Variants in CDC42BPB observed in about 807,000 individuals in gnomAD.
CDC42BPB encodes the protein serine/threonine-protein kinase MRCK beta.
A neutral mutation model predicts 214.9 loss-of-function variants in CDC42BPB; 37 were observed. The observed-to-expected ratio is 0.17, with a 90% CI of 0.13 to 0.23. The LOEUF is 0.23. CDC42BPB is among the 10% of genes least tolerant of loss of function. The pLI, the probability that CDC42BPB is intolerant of heterozygous loss-of-function variation, is 1.00. For synonymous variants in CDC42BPB, 931 were observed against 884.0 expected, an observed-to-expected ratio of 1.05 and a Z score of -0.94; for missense variants, 1,694 against 2,227.0, an observed-to-expected ratio of 0.76 and a Z score of 4.82.
intron 5 of CDC42BPB, among the ~76,000 whole-genome samples, chr14:102,995,595 G>C (rs13379319): frequency 0.43 from 64,896 of 152,122 alleles, 14,650 homozygotes; most frequent in African/African-American, 0.56. Context: ...GTCCTGGTCT[G>C]CCACTGATTT....
intron 1 of CDC42BPB, among the ~76,000 whole-genome samples, chr14:103,029,190 C>T (rs1243024108): frequency 6.6e-6 from 1 of 152,162 alleles, no homozygotes; most frequent in Non-Finnish European, 1.5e-5. Flanking sequence ...AAGTATGTCT[C>T]TGGAAGAAAA....
Position 103,057,090 on chromosome 14 carries a change from T to C in CDC42BPB, c.84A>G (p.Glu28=). 2.6e-6 allele frequency: 4 copies of C among 1,525,612 alleles called. No individual in the cohort carries two copies. The East Asian group carries it at 7.8e-5, about 30-fold the overall frequency. The allele number at this position is 1,525,612 out of a possible 1,614,324, so 94.5% of individuals were successfully genotyped here. The change falls in exon 1 of 37, where the codon GAA becomes GAG. Residue 28 remains glutamate, a synonymous_variant. Transcript: ENST00000361246. ...GGCAGACGAGCACGTCGAGCAGCGTTTCCACGCTCAGGGCGCTCTCGTTGC... is the reference window on the plus strand; with the variant it reads ...GGCAGACGAGCACGTCGAGCAGCGTCTCCACGCTCAGGGCGCTCTCGTTGC... ...PWRNESALSV[E]TLLDVLVCLY... is the part of the protein sequence containing the mutation.
chr14:103,045,973 G>A (rs1290801154), intron 1 of CDC42BPB, among the ~76,000 whole-genome samples: 3 of 152,190 alleles, frequency 2.0e-5, no homozygotes, highest in African/African-American at 7.2e-5. Flanking sequence ...ATTTTGCAGA[G>A]TGGGAAAAAG....
intron 5 of CDC42BPB, among the ~76,000 whole-genome samples, chr14:102,997,224 G>A (rs7157813): frequency 0.4 from 60,261 of 151,884 alleles, 12,305 homozygotes; most frequent in East Asian, 0.6. Context: ...CTCGAGAGCA[G>A]CCTCAAGGTG....
intron 1 of CDC42BPB, among the ~76,000 whole-genome samples, chr14:103,026,416 A>G (rs1276441400): frequency 6.6e-6 from 1 of 152,040 alleles, no homozygotes; most frequent in Non-Finnish European, 1.5e-5. Context: ...AAAACAAAAA[A>G]CCACATGTAA....
chr14:102,933,445 G>A lies in CDC42BPB; in HGVS notation c.*267C>T, dbSNP rs1891486690. 8.7e-6 allele frequency: 3 copies of A among 344,734 alleles called. No homozygotes were observed. The highest frequency in any genetic ancestry group is 1.4e-4 in the South Asian group (1 of 7,228). 21.4% of individuals were successfully genotyped at this position (344,734 alleles called of 1,614,324 possible). A position where few individuals can be genotyped will look rare whatever the true frequency, so the allele number is the denominator to read the frequency against. ...CCCATATGCCCTCTCGGGTTGTCAG[G>A]GGTGGGAGACAGGCTGTATGGGGGT... On this transcript the variant is annotated 3_prime_UTR_variant, in exon 37 of 37. Transcript: ENST00000361246.
chr14:103,030,162 T>G (rs888563131), intron 1 of CDC42BPB, among the ~76,000 whole-genome samples: 4 of 152,234 alleles, frequency 2.6e-5, no homozygotes, highest in African/African-American at 4.8e-5. Context: ...GGCCTCACCT[T>G]GCCCGACAGG....
chr14:103,010,023 T>C (rs1886059456), intron 2 of CDC42BPB, among the ~76,000 whole-genome samples: 1 of 152,184 alleles, frequency 6.6e-6, no homozygotes, highest in Non-Finnish European at 1.5e-5. Context: ...CAGTGGTGCA[T>C]GCCTGTGGTC....
In CDC42BPB at chr14:102,940,236, G is replaced by A. The variant is rs762722008; in HGVS notation, c.4497C>T (p.Gly1499=). The part of the protein sequence containing the change: ...VRTMEWVQTI[G]LRRIRPLNSE... ...ACCGAGGCCGCCTTACCCTCCGCAGGCCGATGGTCTGCACCCACTCCATGG... is the reference window on the plus strand; with the variant it reads ...ACCGAGGCCGCCTTACCCTCCGCAGACCGATGGTCTGCACCCACTCCATGG... Residue 1499 remains glycine (G), a synonymous_variant, in exon 31 of 37, where the codon GGC becomes GGT. Transcript: ENST00000361246. The A allele has an allele frequency of 6.2e-7, 1 of 1,602,958 alleles. No individual in the cohort carries two copies. The highest frequency in any genetic ancestry group is 8.5e-7 in the Non-Finnish European group (1 of 1,174,910).
rs188956653 is a variant in CDC42BPB at position 102,970,016 on chromosome 14, T to C, written c.1995+135A>G. 1.0e-4 allele frequency: 63 copies of C among 630,220 alleles called. No homozygotes were observed. In the Admixed American group the frequency reaches 1.7e-3, roughly 17 times the overall value. The allele number at this position is 630,220 out of a possible 1,614,324, so 39.0% of individuals were successfully genotyped here. ...GGGTCACACCCCCCACCTCTCCACA[T>C]GTGGGTCTTGTCTGAACAGCCTCGG... On this transcript the variant is annotated intron_variant, in intron 14 of 36. Transcript: ENST00000361246.
intron 9 of CDC42BPB, among the ~76,000 whole-genome samples, chr14:102,977,441 T>C (rs574812260): frequency 6.6e-6 from 1 of 152,140 alleles, no homozygotes; most frequent in East Asian, 1.9e-4. Context: ...TCAGATTCTG[T>C]GGCACAGTGG....
chr14:103,049,115 A>C (rs79489394), intron 1 of CDC42BPB, among the ~76,000 whole-genome samples: 2 of 152,178 alleles, frequency 1.3e-5, no homozygotes, highest in Non-Finnish European at 2.9e-5. Flanking sequence ...TGGAGGGACA[A>C]TGTAGAACAG....
chr14:103,035,710 G>A (rs1887625209), intron 1 of CDC42BPB, among the ~76,000 whole-genome samples: 1 of 152,024 alleles, frequency 6.6e-6, no homozygotes, highest in Non-Finnish European at 1.5e-5. Context: ...TGTGGTGGCG[G>A]GCGCCTGTAG....
intron 17 of CDC42BPB, among the ~76,000 whole-genome samples, chr14:102,966,724 G>A (rs1469269623): frequency 6.6e-6 from 1 of 152,242 alleles, no homozygotes; most frequent in African/African-American, 2.4e-5. Context: ...CGGAGGGCCA[G>A]GTCCCAGCTC....
intron 8 of CDC42BPB, among the ~76,000 whole-genome samples, chr14:102,979,693 A>C (rs1462618085): frequency 6.6e-6 from 1 of 152,238 alleles, no homozygotes; most frequent in Non-Finnish European, 1.5e-5. Context: ...TAAATTAATA[A>C]GCAACGAAGA....
At chr14:103,054,351 G>A (rs761489657) in intron 1 of CDC42BPB, among the ~76,000 whole-genome samples, 10 of 152,140 alleles carry the variant, frequency 6.6e-5, no homozygotes, top group Non-Finnish European at 1.0e-4. Flanking sequence ...GCTTTTCCAC[G>A]TGACAGGAAT....
intron 1 of CDC42BPB, among the ~76,000 whole-genome samples, chr14:103,016,901 T>C (rs992022775): frequency 1.3e-5 from 2 of 152,004 alleles, no homozygotes; most frequent in Non-Finnish European, 2.9e-5. Flanking sequence ...TTCTCCAACA[T>C]AGGACAGGGC....
intron 1 of CDC42BPB, among the ~76,000 whole-genome samples, chr14:103,044,885 T>C (rs1888205889): frequency 6.6e-6 from 1 of 151,548 alleles, no homozygotes; most frequent in Admixed American, 6.6e-5. Context: ...AAAGCATCAG[T>C]AGAAATGGTA....
In CDC42BPB at chr14:103,004,994, C is replaced by T. The variant is rs1398764901; in HGVS notation, c.352-971G>A. Among the ~76,000 whole-genome samples the T allele has an allele frequency of 5.3e-5, 8 of 151,770 alleles. No individual in the cohort carries two copies. Among genetic ancestry groups the T allele is most frequent in the African/African-American group, 1.5e-4 (6 of 41,266 alleles). On this transcript the variant is annotated intron_variant, in intron 3 of 36. Transcript: ENST00000361246. This position sits in a 1 kb window ranked among gnomAD's most constrained non-coding sequence, Gnocchi z 5.3. ...CATCCTGGCTAACACCGTGAAACCC[C>T]GTCTCTATTAAAAATACAAAAAAAT...
Sources: allele counts gnomAD v4.1 joint callset (sites outside exome capture counted in the v4.1 genomes callset), GRCh38; gene constraint gnomAD v4.1.1; non-coding constraint Gnocchi (gnomAD v3.1); transcripts MANE v1.5; gene names NCBI Gene and HGNC (gene_info 2026-07-23, HGNC 2026-07-21).